SHISA9: variants seen among roughly 807,000 people sequenced by gnomAD.
SHISA9 encodes protein shisa-9.
A neutral mutation model predicts 38.0 loss-of-function variants in SHISA9; 13 were observed. That is an observed-to-expected ratio of 0.34 (90% CI 0.22 to 0.54). The LOEUF is 0.54. SHISA9 is among the 20% of genes least tolerant of loss of function. SHISA9 has a pLI of 0.91. For missense variants in SHISA9, 538 were observed against 575.8 expected (o/e 0.93, Z 0.67); for synonymous variants, 275 against 242.0 (o/e 1.14, Z -1.27).
rs142403128 is a variant in SHISA9 at position 13,229,168 on chromosome 16, T to A, written c.896-5862T>A. On this transcript the variant is annotated intron_variant, in intron 4 of 4. Coordinates refer to ENST00000558583, the MANE Select transcript of SHISA9 (RefSeq NM_001145204.3). ...GAGCGAGACACTGTCTCAAAAAAAA[T>A]TTGACTGAGTCCTTAATATCTGCCA... 2.6e-3 allele frequency among the ~76,000 whole-genome samples: 397 copies of A among 152,224 alleles called. 2 individuals are homozygous for A. The highest frequency in any genetic ancestry group is 9.0e-3 in the African/African-American group (375 of 41,552).
chr16:13,270,570 C>G, the SHISA9 span, among the ~76,000 whole-genome samples: 1 of 152,040 alleles, frequency 6.6e-6, no homozygotes, highest in East Asian at 1.9e-4. Context: ...TGGAGAGAAG[C>G]CAACAAATTG....
At chr16:13,151,881 T>A (rs1048172529) in intron 2 of SHISA9, among the ~76,000 whole-genome samples, 1 of 152,178 alleles carries the variant, frequency 6.6e-6, no homozygotes, top group African/African-American at 2.4e-5. Flanking sequence ...ATAAGACCCT[T>A]GTGTCCAGGG....
At chr16:13,282,402 T>C in the SHISA9 span, among the ~76,000 whole-genome samples, 23 of 152,018 alleles carry the variant, frequency 1.5e-4, 1 homozygote, top group Non-Finnish European at 1.5e-5. Context: ...ATTTTATGTG[T>C]TTTTATTTTC....
At chr16:13,111,742 A>G (rs1308706603) in intron 2 of SHISA9, among the ~76,000 whole-genome samples, 1 of 152,222 alleles carries the variant, frequency 6.6e-6, no homozygotes, top group Non-Finnish European at 1.5e-5. Flanking sequence ...AATATTAAGT[A>G]TTCAATGCAG....
At chr16:13,349,746 A>G in the SHISA9 span, among the ~76,000 whole-genome samples, 1 of 152,354 alleles carries the variant, frequency 6.6e-6, no homozygotes, top group Non-Finnish European at 1.5e-5. Context: ...CAAATATGGC[A>G]TCTTAGAATC....
At chr16:13,411,341 G>T in the SHISA9 span, among the ~76,000 whole-genome samples, 28 of 152,308 alleles carry the variant, frequency 1.8e-4, 1 homozygote, top group East Asian at 1.2e-3. Flanking sequence ...CACTATCCAG[G>T]TGTGTGGTCC....
chr16:13,289,521 G>GCAAACAAA, the SHISA9 span, among the ~76,000 whole-genome samples: 4 of 151,256 alleles, frequency 2.6e-5, no homozygotes, highest in East Asian at 1.9e-4. Flanking sequence ...TAAGCAAAAA[G>GCAAACAAA]CAAACAAACA....
chr16:13,313,735 T>C, the SHISA9 span, among the ~76,000 whole-genome samples: 2 of 152,154 alleles, frequency 1.3e-5, no homozygotes, highest in African/African-American at 4.8e-5. Flanking sequence ...TATATAAAAA[T>C]GAAAAAGAAA....
the SHISA9 span, among the ~76,000 whole-genome samples, chr16:13,504,917 A>T: frequency 6.6e-6 from 1 of 152,086 alleles, no homozygotes; most frequent in Non-Finnish European, 1.5e-5. Flanking sequence ...CTCACTTGGG[A>T]CCCCACTTCC....
chr16:13,130,222 TG>T (rs1279558912), intron 2 of SHISA9, among the ~76,000 whole-genome samples: 1 of 152,116 alleles, frequency 6.6e-6, no homozygotes, highest in African/African-American at 2.4e-5. Flanking sequence ...AGTCAATCAT[TG>T]ATTATGTCTT....
At chr16:13,017,014 C>G (rs904573646) in intron 2 of SHISA9, among the ~76,000 whole-genome samples, 7 of 150,182 alleles carry the variant, frequency 4.7e-5, no homozygotes, top group Admixed American at 1.3e-4. Context: ...TTTTTTGTTT[C>G]TTTTTTCTTT....
At chr16:13,275,597 C>T in the SHISA9 span, among the ~76,000 whole-genome samples, 1 of 152,002 alleles carries the variant, frequency 6.6e-6, no homozygotes, top group Non-Finnish European at 1.5e-5. Flanking sequence ...TTATGCTGGC[C>T]TCATAAAACA....
intron 2 of SHISA9, among the ~76,000 whole-genome samples, chr16:13,086,216 A>G (rs2073708457): frequency 6.6e-6 from 1 of 151,914 alleles, no homozygotes; most frequent in Non-Finnish European, 1.5e-5. Flanking sequence ...TTAGCTGGGC[A>G]TGGTGGCATG....
At chr16:13,374,260 G>GTAAT in the SHISA9 span, among the ~76,000 whole-genome samples, 1 of 151,390 alleles carries the variant, frequency 6.6e-6, no homozygotes, top group Non-Finnish European at 1.5e-5. Context: ...TTGGTGTGCT[G>GTAAT]CACCCGTTAA....
At chr16:13,389,034 C>T in the SHISA9 span, among the ~76,000 whole-genome samples, 2 of 152,170 alleles carry the variant, frequency 1.3e-5, no homozygotes, top group Non-Finnish European at 2.9e-5. Context: ...TAACATCCCC[C>T]ACCAGAGCGG....
At chr16:13,256,026 C>G in the SHISA9 span, among the ~76,000 whole-genome samples, 8 of 152,134 alleles carry the variant, frequency 5.3e-5, no homozygotes, top group Non-Finnish European at 1.0e-4. Context: ...TCATATTTTA[C>G]TATTTTTGAC....
At chr16:13,451,477 A>T in the SHISA9 span, among the ~76,000 whole-genome samples, 2 of 152,238 alleles carry the variant, frequency 1.3e-5, no homozygotes, top group Non-Finnish European at 2.9e-5. Flanking sequence ...CAAATTCACC[A>T]GGAAAGATCC....
At chr16:13,247,339 TTC>T in the SHISA9 span, among the ~76,000 whole-genome samples, 2 of 152,174 alleles carry the variant, frequency 1.3e-5, no homozygotes, top group African/African-American at 4.8e-5. Flanking sequence ...TTAATTAAAC[TTC>T]TACTCTATGC....
chr16:13,544,840 G>C, the SHISA9 span, among the ~76,000 whole-genome samples: 4 of 152,114 alleles, frequency 2.6e-5, no homozygotes, highest in Non-Finnish European at 5.9e-5. Context: ...CTACTCAGGA[G>C]GCTGAGGCAG....
Sources: gnomAD v4.1 joint callset for allele counts (sites outside exome capture counted in the v4.1 genomes callset) on GRCh38, gnomAD v4.1.1 for gene constraint, MANE v1.5 for transcripts, NCBI Gene and HGNC (gene_info 2026-07-23, HGNC 2026-07-21) for gene names.